Variants in FAM186B observed in about 807,000 individuals in gnomAD.
FAM186B encodes family with sequence similarity 186 member B, also known as protein FAM186B.
FAM186B carries 68 observed loss-of-function variants against 83.4 expected under a neutral mutation model. That is an observed-to-expected ratio of 0.81 (90% confidence interval 0.67 to 1.00). The LOEUF is 1.00. FAM186B is among the 50% of genes least tolerant of loss of function. The pLI is 0.00. For missense variants in FAM186B, 983 were observed against 1,099.2 expected (o/e 0.89, Z 1.49); for synonymous variants, 389 against 422.0 (o/e 0.92, Z 0.96).
At chr12:49,622,164 A>G in the FAM186B span, among the ~76,000 whole-genome samples, 1 of 152,178 alleles carries the variant, frequency 6.6e-6, no homozygotes, top group Non-Finnish European at 1.5e-5. Context: ...CCCCCGGGGG[A>G]AGGTGGGAGC....
chr12:49,585,161 G>A (rs1289865827), downstream of FAM186B, among the ~76,000 whole-genome samples: 1 of 152,144 alleles, frequency 6.6e-6, no homozygotes, highest in Non-Finnish European at 1.5e-5. Flanking sequence ...TGGGACTACA[G>A]GCGCCCGCCA....
chr12:49,586,989 A>G (rs917227357), downstream of FAM186B, among the ~76,000 whole-genome samples: 1 of 152,206 alleles, frequency 6.6e-6, no homozygotes, highest in African/African-American at 2.4e-5. Flanking sequence ...ACACAGGGCC[A>G]GGGTCACAGG....
chr12:49,587,507 A>G lies in FAM186B; in HGVS notation c.*98T>C. On this transcript the variant is annotated 3_prime_UTR_variant, in exon 7 of 7. Transcript: ENST00000257894. ...TGGGATAGCAAATGAGGTCATTGTTAAAGCCTGGAGAGAGATTTATTGGGG... is the reference window on the plus strand; with the variant it reads ...TGGGATAGCAAATGAGGTCATTGTTGAAGCCTGGAGAGAGATTTATTGGGG... 1 of 1,523,142 alleles carries G rather than the reference A, an allele frequency of 6.6e-7. No individual in the cohort carries two copies. Among genetic ancestry groups the G allele is most frequent in the Non-Finnish European group, 9.1e-7 (1 of 1,098,704 alleles). The allele number at this position is 1,523,142 out of a possible 1,614,324, so 94.4% of individuals were successfully genotyped here.
chr12:49,619,667 C>CTTTT, the FAM186B span: 92 of 145,972 alleles, frequency 6.3e-4, no homozygotes, highest in South Asian at 2.1e-3. Flanking sequence ...TTAGACATCT[C>CTTTT]TTTTTTTTTT....
At chr12:49,612,535 GT>G in the FAM186B span, among the ~76,000 whole-genome samples, 429 of 136,966 alleles carry the variant, frequency 3.1e-3, no homozygotes, top group African/African-American at 8.6e-3. Context: ...TTTTATGTGT[GT>G]TTTTTTTTTT....
chr12:49,582,960 A>G, downstream of FAM186B: 1 of 449,430 alleles, frequency 2.2e-6, no homozygotes, highest in South Asian at 1.6e-5. Context: ...TTTGCCTTTA[A>G]GAAGATGAAA....
chr12:49,599,370 C>T (rs369281241), intron 4 of FAM186B, 99 bp downstream of exon 4: 2 of 1,426,108 alleles, frequency 1.4e-6, no homozygotes, highest in Non-Finnish European at 9.2e-7. Context: ...TGGCTCTCCC[C>T]ATCCCCCCTT....
rs140131448 is a variant in FAM186B at position 49,595,928 on chromosome 12, G to A, written c.2364+2827C>T. On this transcript the variant is annotated intron_variant, in intron 5 of 6. Coordinates refer to ENST00000257894, the MANE Select transcript of FAM186B (RefSeq NM_032130.3). ...GAACCTGGGAGGCGGAGCTTGCAGT[G>A]AGCCGAGATGGCGCCACTGCACTCC... Among the ~76,000 whole-genome samples, 132 of 152,330 alleles carry A rather than the reference G, an allele frequency of 8.7e-4. No individual in the cohort carries two copies. The East Asian group carries it at 0.022, about 25-fold the overall frequency.
At chr12:49,594,933 G>A (rs1002084256) in intron 5 of FAM186B, among the ~76,000 whole-genome samples, 13 of 151,636 alleles carry the variant, frequency 8.6e-5, no homozygotes, top group Non-Finnish European at 1.8e-4. Context: ...ATACAGATCT[G>A]GTATAGAACT....
the FAM186B span, among the ~76,000 whole-genome samples, chr12:49,617,455 G>A: frequency 6.6e-6 from 1 of 152,008 alleles, no homozygotes; most frequent in African/African-American, 2.4e-5. Context: ...GAGGTGGGAG[G>A]GTCACCTGAG....
chr12:49,606,344 A>G (rs1028604930), upstream of FAM186B, among the ~76,000 whole-genome samples: 1 of 151,152 alleles, frequency 6.6e-6, no homozygotes, highest in Non-Finnish European at 1.5e-5. Context: ...AAAATTTAAA[A>G]AATAGCCAGG....
chr12:49,588,387 C>A, intron 6 of FAM186B, 67 bp downstream of exon 6: 1 of 1,527,260 alleles, frequency 6.5e-7, no homozygotes, highest in South Asian at 1.2e-5. Flanking sequence ...CCTCCCCAGG[C>A]TGGTCACCCC....
At chr12:49,586,368 G>A (rs1485020697), downstream of FAM186B, among the ~76,000 whole-genome samples, 3 of 152,140 alleles carry the variant, frequency 2.0e-5, no homozygotes, top group South Asian at 4.1e-4. Context: ...AATGAATCCC[G>A]TTTCTCACTA....
At chr12:49,604,743 C>A in intron 1 of FAM186B, 1 of 511,276 alleles carries the variant, frequency 2.0e-6, no homozygotes, top group Non-Finnish European at 3.4e-6. Flanking sequence ...TTTAATAGTA[C>A]CTGGCACATT....
At chr12:49,620,797 G>A in the FAM186B span, among the ~76,000 whole-genome samples, 1 of 152,128 alleles carries the variant, frequency 6.6e-6, no homozygotes, top group Non-Finnish European at 1.5e-5. Flanking sequence ...GGTAACTGAA[G>A]AACACTTTTT....
chr12:49,608,092 A>G (rs754218051), upstream of FAM186B, among the ~76,000 whole-genome samples: 2 of 152,146 alleles, frequency 1.3e-5, no homozygotes, highest in African/African-American at 2.4e-5. Context: ...AAATATAGAC[A>G]TAAAAGAAAA....
chr12:49,607,499 C>T (rs896572238), upstream of FAM186B, among the ~76,000 whole-genome samples: 3 of 151,940 alleles, frequency 2.0e-5, no homozygotes, highest in South Asian at 2.1e-4. Context: ...TTTGAATATC[C>T]GTAAATCTAC....
At chr12:49,584,256 G>A (rs1357920645), downstream of FAM186B, 9 of 492,916 alleles carry the variant, frequency 1.8e-5, no homozygotes, top group Non-Finnish European at 2.9e-5. Flanking sequence ...GAGGAGGTGT[G>A]GGTTTCAGCA....
At chr12:49,616,266 G>A in the FAM186B span, among the ~76,000 whole-genome samples, 1 of 152,162 alleles carries the variant, frequency 6.6e-6, no homozygotes, top group African/African-American at 2.4e-5. Flanking sequence ...CTGACCTCAG[G>A]TCATTCACCT....
Sources: allele counts gnomAD v4.1 joint callset (sites outside exome capture counted in the v4.1 genomes callset), GRCh38; gene constraint gnomAD v4.1.1; transcripts MANE v1.5; gene names NCBI Gene and HGNC (gene_info 2026-07-23, HGNC 2026-07-21).